Variants in PTPRZ1 observed in about 807,000 individuals in gnomAD.
PTPRZ1 encodes the protein receptor-type tyrosine-protein phosphatase zeta.
Under a neutral mutation model 214.1 loss-of-function variants are expected in PTPRZ1, and 82 were observed. That is an observed-to-expected ratio of 0.38 (90% CI 0.32 to 0.46). The LOEUF (loss-of-function observed/expected upper bound fraction) is 0.46, where lower values mean the gene tolerates loss of function less well. PTPRZ1 is among the 20% of genes least tolerant of loss of function. The pLI is 1.00. For missense variants in PTPRZ1, 2,603 were observed against 2,748.7 expected, an observed-to-expected ratio of 0.95 and a Z score of 1.19; for synonymous variants, 945 against 987.9, an observed-to-expected ratio of 0.96 and a Z score of 0.81.
At chr7:121,886,660 G>T (rs964834331) in intron 1 of PTPRZ1, among the ~76,000 whole-genome samples, 1 of 152,016 alleles carries the variant, frequency 6.6e-6, no homozygotes, top group Non-Finnish European at 1.5e-5. Context: ...CAAGTTTATA[G>T]CAATGACTGT....
At chr7:122,042,847 T>C (rs1227308823) in intron 22 of PTPRZ1, 104 bp downstream of exon 22, 1 of 1,265,594 alleles carries the variant, frequency 7.9e-7, no homozygotes, top group Non-Finnish European at 1.1e-6. Flanking sequence ...TAATACAAAC[T>C]GGGTGGGTTA....
chr7:121,960,990 C>T lies in PTPRZ1; in HGVS notation c.125-6961C>T, dbSNP rs555532428. Among the ~76,000 whole-genome samples, 10 of 152,026 alleles carry T rather than the reference C, an allele frequency of 6.6e-5. 1 individual carries two copies. In the South Asian group the frequency reaches 1.9e-3, roughly 28 times the overall value. ...AAACGTTGATTTAATTCTTAAGTGC[C>T]AGGCTCTAAGAAAGGTACTGAAACA... On this transcript the variant is annotated intron_variant, in intron 2 of 29. Transcript: ENST00000393386.
At chr7:121,978,859 T>A (rs1029036873) in intron 6 of PTPRZ1, among the ~76,000 whole-genome samples, 2 of 152,146 alleles carry the variant, frequency 1.3e-5, no homozygotes, top group Non-Finnish European at 2.9e-5. Flanking sequence ...AACGTTTCCA[T>A]TTTGAGAGTT....
chr7:122,039,701 A>G (rs186659585), intron 20 of PTPRZ1, 113 bp downstream of exon 20: 7 of 1,343,906 alleles, frequency 5.2e-6, no homozygotes, highest in Middle Eastern at 2.6e-4. Context: ...AAAGGCATTA[A>G]AAATTCTTGT....
At chr7:122,046,878 T>C (rs1057420474) in intron 23 of PTPRZ1, among the ~76,000 whole-genome samples, 2 of 152,160 alleles carry the variant, frequency 1.3e-5, no homozygotes, top group African/African-American at 4.8e-5. Flanking sequence ...GATGGTTCCT[T>C]GAAGCCTCGG....
At chr7:121,887,254 A>G (rs1794425007) in intron 1 of PTPRZ1, among the ~76,000 whole-genome samples, 2 of 152,180 alleles carry the variant, frequency 1.3e-5, no homozygotes, top group African/African-American at 4.8e-5. Context: ...TATTTGTGGC[A>G]TAAATGAGTG....
intron 1 of PTPRZ1, among the ~76,000 whole-genome samples, chr7:121,924,662 A>G (rs947601139): frequency 6.6e-6 from 1 of 152,220 alleles, no homozygotes; most frequent in Non-Finnish European, 1.5e-5. Flanking sequence ...GGAATCATTA[A>G]AACAAGAGCT....
At chr7:122,057,193 A>T (rs1262706875) in intron 27 of PTPRZ1, among the ~76,000 whole-genome samples, 1 of 151,836 alleles carries the variant, frequency 6.6e-6, no homozygotes, top group Non-Finnish European at 1.5e-5. Context: ...TAACTTTACT[A>T]AATGAATTCA....
intron 4 of PTPRZ1, among the ~76,000 whole-genome samples, chr7:121,974,968 T>G (rs112112689): frequency 9.4e-4 from 143 of 152,254 alleles, no homozygotes; most frequent in African/African-American, 3.3e-3. Flanking sequence ...GGAGGATCAC[T>G]TAAGCCCAGG....
At chr7:121,992,703 T>C (rs1448636706) in intron 8 of PTPRZ1, among the ~76,000 whole-genome samples, 1 of 151,578 alleles carries the variant, frequency 6.6e-6, no homozygotes, top group Non-Finnish European at 1.5e-5. Flanking sequence ...GTTTGAAAGC[T>C]ATCACAGGAA....
chr7:121,995,388 G>T (rs1356402891), intron 8 of PTPRZ1, among the ~76,000 whole-genome samples: 2 of 152,046 alleles, frequency 1.3e-5, no homozygotes, highest in African/African-American at 4.8e-5. Flanking sequence ...CCTCTGCTTT[G>T]CAAATCTGGC....
intron 2 of PTPRZ1, among the ~76,000 whole-genome samples, chr7:121,963,562 G>A (rs1017067168): frequency 1.3e-5 from 2 of 152,088 alleles, no homozygotes; most frequent in Non-Finnish European, 2.9e-5. Context: ...AACTGTACAT[G>A]CTTGTTCATA....
intron 9 of PTPRZ1, among the ~76,000 whole-genome samples, 193 bp from the exon 10 acceptor site, chr7:121,997,687 A>T (rs1355491947): frequency 6.6e-6 from 1 of 150,864 alleles, no homozygotes; most frequent in Admixed American, 6.6e-5. Flanking sequence ...AAAAAAGCCT[A>T]GCTTTCCAGT....
At position 122,012,069 on chromosome 7, in the gene PTPRZ1, C is replaced by G; in HGVS notation, c.3023C>G (p.Pro1008Arg). 1 of 1,614,216 alleles carries G rather than the reference C, an allele frequency of 6.2e-7. No homozygotes were observed. The change falls in exon 12 of 30, where the codon CCT (proline) becomes CGT (arginine). Residue 1008 changes from proline (P) to arginine (R), a missense_variant. Physicochemically the swap from Pro to Arg is moderately radical, Grantham distance 103. This residue lies in a region of PTPRZ1 where 1,913 missense variants were observed against 1,914.3 expected (regional missense o/e 1.00). Transcript: ENST00000393386. ...GASSDSEFLL[P>R]DTDGLTALNI... ...TCTTCTGATAGTGAATTTCTTTTACCTGACACAGATGGGCTGACAGCCCTT... is the reference window on the plus strand; with the variant it reads ...TCTTCTGATAGTGAATTTCTTTTACGTGACACAGATGGGCTGACAGCCCTT...
intron 19 of PTPRZ1, 29 bp from the exon 20 acceptor site, chr7:122,039,425 A>G (rs2150477347): frequency 6.2e-7 from 1 of 1,605,338 alleles, no homozygotes; most frequent in Non-Finnish European, 8.5e-7. Context: ...TTTGAAATAC[A>G]GAAGTAACAT....
chr7:122,028,604 G>C lies in PTPRZ1; in HGVS notation c.5041G>C (p.Val1681Leu), dbSNP rs766176717. The C allele has an allele frequency of 1.9e-6, 3 of 1,549,132 alleles. No individual in the cohort carries two copies. The highest frequency in any genetic ancestry group is 1.1e-5 in the South Asian group (1 of 89,748). The change falls in exon 14 of 30, where the codon GTT (valine) becomes CTT (leucine). Residue 1681 changes from valine to leucine, a missense_variant. By Grantham distance (32) the Val-to-Leu change is conservative. This residue lies in a region of PTPRZ1 where 1,913 missense variants were observed against 1,914.3 expected (regional missense o/e 1.00). Coordinates refer to ENST00000393386, the MANE Select transcript of PTPRZ1 (RefSeq NM_002851.3). Reference protein sequence around the residue: ...FYLEDSTSPRVISTPPTPIFP... With the variant: ...FYLEDSTSPRLISTPPTPIFP... ...CTTAGAGGACAGTACATCCCCTAGA[G>C]TTATATCCACACCTCCAACACCTAT...
chr7:121,962,790 T>A (rs1278488583), intron 2 of PTPRZ1, among the ~76,000 whole-genome samples: 1 of 152,024 alleles, frequency 6.6e-6, no homozygotes, highest in Non-Finnish European at 1.5e-5. Context: ...GGTCTCGAAC[T>A]CCTGACCTCG....
At chr7:122,023,748 T>TATATATATAATGTATAATTTTATATATA (rs1491456994) in intron 13 of PTPRZ1, among the ~76,000 whole-genome samples, 2 of 133,706 alleles carry the variant, frequency 1.5e-5, no homozygotes, top group Non-Finnish European at 3.1e-5. Context: ...TATATATAAT[T>TATATATATAATGTATAATTTTATATATA]ATATATATAA....
At chr7:121,992,537 A>G (rs774355790) in intron 8 of PTPRZ1, among the ~76,000 whole-genome samples, 3 of 152,234 alleles carry the variant, frequency 2.0e-5, no homozygotes, top group African/African-American at 7.2e-5. Flanking sequence ...TAAGAAGCTT[A>G]TACCATTTTT....
Sources: gnomAD v4.1 joint callset for allele counts (sites outside exome capture counted in the v4.1 genomes callset) on GRCh38, gnomAD v4.1.1 for gene constraint, gnomAD v4.1.1 regional missense constraint, MANE v1.5 for transcripts, NCBI Gene and HGNC (gene_info 2026-07-23, HGNC 2026-07-21) for gene names.